MOV10L1: variants seen among roughly 807,000 people sequenced by gnomAD.
MOV10L1 encodes Mov10 like RNA helicase 1.
MOV10L1 carries 110 observed loss-of-function variants against 143.8 expected under a neutral mutation model. The ratio of observed to expected loss-of-function variants is 0.76; its 90% confidence interval spans 0.66 to 0.90. The LOEUF is 0.90. Among genes scored for constraint, MOV10L1 ranks in the 40% least tolerant of loss-of-function variants. The pLI, the probability that MOV10L1 is intolerant of heterozygous loss-of-function variation, is 0.00. For missense variants in MOV10L1, 1,406 were observed against 1,526.8 expected, an observed-to-expected ratio of 0.92 and a Z score of 1.32; for synonymous variants, 593 against 581.1, an observed-to-expected ratio of 1.02 and a Z score of -0.29.
At chr22:50,143,663 C>A (rs192754612) in intron 17 of MOV10L1, among the ~76,000 whole-genome samples, 2 of 152,314 alleles carry the variant, frequency 1.3e-5, no homozygotes, top group East Asian at 3.9e-4. Context: ...AAGGCATGAT[C>A]CCTTGTCAGG....
intron 1 of MOV10L1, 35 bp downstream of exon 1, chr22:50,090,220 G>A: frequency 1.4e-6 from 2 of 1,408,510 alleles, no homozygotes; most frequent in Non-Finnish European, 9.2e-7. Flanking sequence ...GGCGGGTCCC[G>A]GGCCCTCGCG....
At chr22:50,146,096 G>A (rs1010321746) in intron 19 of MOV10L1, among the ~76,000 whole-genome samples, 3 of 152,144 alleles carry the variant, frequency 2.0e-5, no homozygotes, top group Admixed American at 6.5e-5. Flanking sequence ...AAAGGAGACT[G>A]TAGAGCCAGA....
chr22:50,121,221 G>A (rs1179750124), intron 10 of MOV10L1, among the ~76,000 whole-genome samples: 2 of 152,194 alleles, frequency 1.3e-5, no homozygotes, highest in Non-Finnish European at 2.9e-5. Flanking sequence ...CAGAGCAGCT[G>A]GCAGCCCTGT....
intron 18 of MOV10L1, among the ~76,000 whole-genome samples, chr22:50,144,873 G>A (rs1400008856): frequency 1.3e-5 from 2 of 152,148 alleles, no homozygotes; most frequent in South Asian, 2.1e-4. Flanking sequence ...GAGCCACCGT[G>A]CCCGGCCTGG....
At chr22:50,125,890 C>T (rs974788168) in intron 11 of MOV10L1, among the ~76,000 whole-genome samples, 7 of 151,934 alleles carry the variant, frequency 4.6e-5, no homozygotes, top group Non-Finnish European at 1.0e-4. Context: ...CGGGTTCACG[C>T]CGTTCTCCTG....
chr22:50,102,565 C>T (rs9617071), intron 3 of MOV10L1, among the ~76,000 whole-genome samples: 5 of 152,074 alleles, frequency 3.3e-5, no homozygotes, highest in Non-Finnish European at 7.4e-5. Flanking sequence ...TCAGAGAATT[C>T]GCATTTTGAG....
At chr22:50,090,955 C>T (rs2062422099) in intron 1 of MOV10L1, 1 of 203,330 alleles carries the variant, frequency 4.9e-6, no homozygotes, top group Non-Finnish European at 1.1e-5. Flanking sequence ...GGATTACAGG[C>T]TTGAGCCACC....
At chr22:50,109,365 A>G (rs896029917) in intron 5 of MOV10L1, among the ~76,000 whole-genome samples, 1 of 151,674 alleles carries the variant, frequency 6.6e-6, no homozygotes, top group Non-Finnish European at 1.5e-5. Flanking sequence ...TCTCTACAAA[A>G]CATTAAAAAA....
rs1453204409 is a variant in MOV10L1 at position 50,090,097 on chromosome 22, C to T, written c.9C>T (p.Ser3=). 2 of 1,347,838 alleles carry T rather than the reference C, an allele frequency of 1.5e-6. No homozygotes were observed. The highest frequency in any genetic ancestry group is 1.9e-6 in the Non-Finnish European group (2 of 1,049,876). 83.5% of individuals were successfully genotyped at this position (1,347,838 alleles called of 1,614,324 possible). Residue 3 remains serine, a synonymous_variant, in exon 1 of 27, where the codon AGC becomes AGT. Transcript: ENST00000262794. ...TAGGCCGGGCGAGGGCCATGCTGAGCCTCGCAGCCAAGCTGGTGGCCTTCT... is the reference window on the plus strand; with the variant it reads ...TAGGCCGGGCGAGGGCCATGCTGAGTCTCGCAGCCAAGCTGGTGGCCTTCT... ML[S]LAAKLVAFFW...
rs1340718856 is a variant in MOV10L1, at chr22:50,152,919, G to A, written c.2893-126G>A. The A allele has an allele frequency of 3.6e-5, 34 of 934,728 alleles. 1 individual carries two copies. The highest frequency in any genetic ancestry group is 2.5e-4 in the Admixed American group (11 of 44,278). The allele number at this position is 934,728 out of a possible 1,614,324, so 57.9% of individuals were successfully genotyped here. On this transcript the variant is annotated intron_variant, in intron 21 of 26. Transcript: ENST00000262794. This position sits in a 1 kb window ranked among gnomAD's most constrained non-coding sequence, Gnocchi z 4.4. ...CTGGGGGCAGGCGACACACAGGGGC[G>A]CAGGAGCAGAGTCAGGCTTGGAAGT... is the stretch of plus-strand genomic sequence containing the variant.
At position 50,150,757 on chromosome 22, in the gene MOV10L1, T is replaced by C. The variant is rs766119000; in HGVS notation, c.2750T>C (p.Met917Thr). 1.2e-6 allele frequency: 2 copies of C among 1,614,022 alleles called. No homozygotes were observed. Among genetic ancestry groups the C allele is most frequent in the Admixed American group, 1.7e-5 (1 of 60,002 alleles). Residue 917 changes from methionine to threonine, a missense_variant, in exon 21 of 27, where the codon ATG (methionine) becomes ACG (threonine). By Grantham distance (81) the Met-to-Thr change is moderately conservative. Transcript: ENST00000262794. ...CAGATCGTGCTGGCAGGAGACCCCA[T>C]GCAGCTCGGCCCAGTCATTAAGTCC... ...SGQIVLAGDP[M>T]QLGPVIKSRL...
chr22:50,145,531 A>G (rs1399965567), intron 18 of MOV10L1, among the ~76,000 whole-genome samples, 158 bp from the exon 19 acceptor site: 1 of 152,262 alleles, frequency 6.6e-6, no homozygotes, highest in Non-Finnish European at 1.5e-5. Flanking sequence ...TTGATAAAAC[A>G]TGGACTGAAT....
intron 13 of MOV10L1, among the ~76,000 whole-genome samples, chr22:50,130,567 G>A (rs541243163): frequency 6.9e-6 from 1 of 144,422 alleles, no homozygotes; most frequent in South Asian, 2.3e-4. Context: ...AGAGATACAG[G>A]AGGACCAGGA....
At position 50,108,799 on chromosome 22, in the gene MOV10L1, C is replaced by G; in HGVS notation, c.698C>G (p.Ser233Ter). The change falls in exon 5 of 27, where the codon TCA (serine) becomes TGA (stop). Residue 233 changes from serine (S) to a stop codon, truncating the protein, a stop_gained. Coordinates refer to ENST00000262794, the MANE Select transcript of MOV10L1 (RefSeq NM_018995.3). LOFTEE classifies it high-confidence loss of function. ...GCAGTGGTGGTGGAGAGCAGCCAGT[C>G]ATGCTATGTCTGGAGGGCACTTTGT... ...VNAVVVESSQSCYVWRALCMT... is the reference protein window; with the variant it reads ...VNAVVVESSQ 6.2e-7 allele frequency: 1 copy of G among 1,614,184 alleles called. No homozygotes were observed. Among genetic ancestry groups the G allele is most frequent in the Non-Finnish European group, 8.5e-7 (1 of 1,180,040 alleles).
At chr22:50,140,972 A>C (rs1207753109) in intron 15 of MOV10L1, among the ~76,000 whole-genome samples, 1 of 152,228 alleles carries the variant, frequency 6.6e-6, no homozygotes, top group Non-Finnish European at 1.5e-5. Context: ...ATCATAATGA[A>C]AAAAATTGAA....
chr22:50,151,655 G>T (rs575938801), intron 21 of MOV10L1, among the ~76,000 whole-genome samples: 1 of 152,196 alleles, frequency 6.6e-6, no homozygotes, highest in Non-Finnish European at 1.5e-5. Context: ...CCCAGAGGGC[G>T]CCTGAGAGCT....
chr22:50,114,700 C>T (rs968875888), intron 7 of MOV10L1, 78 bp downstream of exon 7: 39 of 1,567,168 alleles, frequency 2.5e-5, no homozygotes, highest in Non-Finnish European at 3.0e-5. Flanking sequence ...GGACAGAGGG[C>T]GGGCAGCAGG....
intron 13 of MOV10L1, among the ~76,000 whole-genome samples, chr22:50,129,278 G>A (rs1040646525): frequency 4.6e-5 from 7 of 152,188 alleles, no homozygotes; most frequent in Non-Finnish European, 7.4e-5. Flanking sequence ...CTTGTCGGAT[G>A]AGGGGTGCTG....
chr22:50,144,030 T>C, intron 17 of MOV10L1, 67 bp from the exon 18 acceptor site: 1 of 1,566,452 alleles, frequency 6.4e-7, no homozygotes, highest in South Asian at 1.2e-5. Flanking sequence ...GTGTTGAGGT[T>C]AGACTCCTGG....
Sources: allele counts gnomAD v4.1 joint callset (sites outside exome capture counted in the v4.1 genomes callset), GRCh38; gene constraint gnomAD v4.1.1; non-coding constraint Gnocchi (gnomAD v3.1); transcripts MANE v1.5; gene names NCBI Gene and HGNC (gene_info 2026-07-23, HGNC 2026-07-21).